Variants in SLC19A3 observed in about 807,000 individuals in gnomAD.
SLC19A3 encodes solute carrier family 19 member 3, also known as thiamine transporter 2.
A neutral mutation model predicts 40.2 loss-of-function variants in SLC19A3; 31 were observed. That is an observed-to-expected ratio of 0.77 (90% CI 0.58 to 1.04). The LOEUF is 1.04. SLC19A3 is among the 50% of genes least tolerant of loss of function. The probability of loss-of-function intolerance (pLI) is 0.00; values close to 1 mark genes in which losing one functional copy is unlikely to be tolerated. For missense variants in SLC19A3, 592 were observed against 596.7 expected (o/e 0.99, Z 0.08); for synonymous variants, 212 against 227.5 (o/e 0.93, Z 0.61).
intron 4 of SLC19A3, among the ~76,000 whole-genome samples, chr2:227,694,508 T>C (rs1181441958): frequency 6.6e-6 from 1 of 152,214 alleles, no homozygotes; most frequent in East Asian, 1.9e-4. Flanking sequence ...AAATTGTTTA[T>C]AAAACATTCT....
chr2:227,691,069 C>T (rs1054289145), intron 4 of SLC19A3, among the ~76,000 whole-genome samples: 6 of 152,134 alleles, frequency 3.9e-5, no homozygotes, highest in African/African-American at 9.7e-5. Flanking sequence ...TAATATCAAA[C>T]ATCGTCTCTG....
intron 2 of SLC19A3, chr2:227,701,005 T>G: frequency 8.4e-6 from 11 of 1,304,324 alleles, no homozygotes; most frequent in Non-Finnish European, 1.1e-5. Flanking sequence ...GGAAGGTCTG[T>G]TAACTGGTCC....
At chr2:227,709,223 T>A (rs1252783371) in intron 1 of SLC19A3, among the ~76,000 whole-genome samples, 1 of 152,182 alleles carries the variant, frequency 6.6e-6, no homozygotes, top group Non-Finnish European at 1.5e-5. Flanking sequence ...GCCTCATGCC[T>A]GTAATCCCAG....
rs1377003408 is a variant in SLC19A3 at position 227,686,461 on chromosome 2, GGC to G, written c.*934_*935del. 1 of 154,692 alleles carries G rather than the reference GGC, an allele frequency of 6.5e-6. No homozygotes were observed. Among genetic ancestry groups the G allele is most frequent in the Non-Finnish European group, 1.4e-5 (1 of 69,546 alleles). 9.6% of individuals were successfully genotyped at this position (154,692 alleles called of 1,614,324 possible). A position where few individuals can be genotyped will look rare whatever the true frequency, so the allele number is the denominator to read the frequency against. On this transcript the variant is annotated 3_prime_UTR_variant, in exon 6 of 6. Transcript: ENST00000644224. ...GGCCTCCCAAGTAGCTGAGACTACA[GGC>G]ACACACCACGCTGCCCAGCTAATTT... is the stretch of plus-strand genomic sequence containing the variant.
chr2:227,712,052 A>ACAAC (rs557378318), intron 1 of SLC19A3, among the ~76,000 whole-genome samples: 2 of 65,584 alleles, frequency 3.0e-5, no homozygotes, highest in African/African-American at 6.3e-5. Context: ...TCTGTCTCCA[A>ACAAC]AAAAAAAAAA....
chr2:227,693,056 C>T (rs953402430), intron 4 of SLC19A3, among the ~76,000 whole-genome samples: 1 of 152,030 alleles, frequency 6.6e-6, no homozygotes, highest in African/African-American at 2.4e-5. Context: ...CACACACACA[C>T]AAAATGGAAT....
chr2:227,687,249 T>G lies in SLC19A3; in HGVS notation c.*148A>C. ...GTCACATAGAGAACTCATCTAAAAC[T>G]GAGGTTTTGTTGTGGTTTTGAAAGG... is the stretch of plus-strand genomic sequence containing the variant. On this transcript the variant is annotated 3_prime_UTR_variant, in exon 6 of 6. Transcript: ENST00000644224. 3 of 764,000 alleles carry G rather than the reference T, an allele frequency of 3.9e-6. No individual in the cohort carries two copies. Among genetic ancestry groups the G allele is most frequent in the Non-Finnish European group, 6.3e-6 (3 of 478,524 alleles). 47.3% of individuals were successfully genotyped at this position (764,000 alleles called of 1,614,324 possible). A position where few individuals can be genotyped will look rare whatever the true frequency, so the allele number is the denominator to read the frequency against.
chr2:227,696,001 C>A lies in SLC19A3; in HGVS notation c.1060G>T (p.Val354Phe). The A allele has an allele frequency of 6.2e-7, 1 of 1,614,144 alleles. No homozygotes were observed. Among genetic ancestry groups the A allele is most frequent in the South Asian group, 1.1e-5 (1 of 91,084 alleles). The change falls in exon 4 of 6, where the codon GTT (valine) becomes TTT (phenylalanine). Residue 354 changes from valine (V) to phenylalanine (F), a missense_variant. Val to Phe is a conservative substitution (Grantham distance 50). Transcript: ENST00000644224. ...AGAAATAAAGAACCGGCATTGACAA[C>A]TGAGAAGACCACCAGAGCCAGCTCT... ...LGELALVVFS[V>F]VNAGSLFLMH...
At chr2:227,701,108 C>T (rs891574411) in intron 2 of SLC19A3, 6 of 1,290,288 alleles carry the variant, frequency 4.7e-6, no homozygotes, top group African/African-American at 4.6e-5. Flanking sequence ...CATGCTTCAA[C>T]CTGAGCAACT....
Position 227,699,492 on chromosome 2 carries a change from C to T in SLC19A3, c.223G>A (p.Asp75Asn), listed in dbSNP as rs980641322. The T allele has an allele frequency of 1.1e-5, 18 of 1,614,010 alleles. No homozygotes were observed. The highest frequency in any genetic ancestry group is 1.4e-5 in the Non-Finnish European group (17 of 1,180,030). Residue 75 changes from aspartate to asparagine, a missense_variant, in exon 3 of 6, where the codon GAT (aspartate) becomes AAT (asparagine). By Grantham distance (23) the Asp-to-Asn change is conservative. Transcript: ENST00000644224. ...ATGACTGGCTTGTAGCGGACATAAT[C>T]GGTGAGGACAAACACAGGCAGCAGC... The part of the protein sequence containing the change: ...VLLLPVFVLT[D>N]YVRYKPVIIL...
chr2:227,708,894 CTGTATTTCCTTCAG>C (rs1161356740), intron 1 of SLC19A3, among the ~76,000 whole-genome samples: 2 of 152,156 alleles, frequency 1.3e-5, no homozygotes, highest in African/African-American at 2.4e-5. Flanking sequence ...GGGTTTGCTG[CTGTATTTCCTTCAG>C]TGAGTCTTAT....
In SLC19A3 at chr2:227,686,075, T is replaced by C. The variant is rs1185322158; in HGVS notation, c.*1322A>G. ...AGCCAGGCGTGGTGGTGTGCACCCA[T>C]AGTCCCAGCTACTTGGGAGGCTGAG... On this transcript the variant is annotated 3_prime_UTR_variant, in exon 6 of 6. Coordinates refer to ENST00000644224, the MANE Select transcript of SLC19A3 (RefSeq NM_025243.4). 2 of 433,764 alleles carry C rather than the reference T, an allele frequency of 4.6e-6. No homozygotes were observed. Among genetic ancestry groups the C allele is most frequent in the Non-Finnish European group, 9.2e-6 (2 of 216,766 alleles). The allele number at this position is 433,764 out of a possible 1,614,324, so 26.9% of individuals were successfully genotyped here. A position where few individuals can be genotyped will look rare whatever the true frequency, so the allele number is the denominator to read the frequency against.
intron 1 of SLC19A3, among the ~76,000 whole-genome samples, chr2:227,713,264 A>C (rs1236244047): frequency 2.0e-5 from 3 of 151,780 alleles, no homozygotes; most frequent in Non-Finnish European, 2.9e-5. Flanking sequence ...ATGACTGGGC[A>C]TGGTGGTATA....
At chr2:227,707,918 G>A (rs181880868) in intron 1 of SLC19A3, among the ~76,000 whole-genome samples, 2 of 152,074 alleles carry the variant, frequency 1.3e-5, no homozygotes. Context: ...TAGTAGAGAC[G>A]GGATTTCACC....
intron 4 of SLC19A3, 50 bp downstream of exon 4, chr2:227,695,839 A>G: frequency 6.4e-7 from 1 of 1,561,838 alleles, no homozygotes; most frequent in Non-Finnish European, 8.8e-7. Flanking sequence ...TTAGAAAGAC[A>G]GAAGAGAGAG....
At chr2:227,714,258 A>G (rs1010620906) in intron 1 of SLC19A3, among the ~76,000 whole-genome samples, 1 of 152,212 alleles carries the variant, frequency 6.6e-6, no homozygotes, top group Non-Finnish European at 1.5e-5. Context: ...AGGCCTCCGT[A>G]TAATAGGAAA....
chr2:227,712,486 G>T (rs1257555138), intron 1 of SLC19A3, among the ~76,000 whole-genome samples: 1 of 152,170 alleles, frequency 6.6e-6, no homozygotes, highest in Non-Finnish European at 1.5e-5. Context: ...TTAAGACTAG[G>T]AGAGAAAACT....
At chr2:227,688,375 C>A in intron 4 of SLC19A3, 68 bp from the exon 5 acceptor site, 2 of 1,489,886 alleles carry the variant, frequency 1.3e-6, no homozygotes, top group East Asian at 4.7e-5. Context: ...AAAGATAGAA[C>A]ATATTGGCCA....
At chr2:227,700,363 C>A (rs930372157) in intron 2 of SLC19A3, among the ~76,000 whole-genome samples, 2 of 147,522 alleles carry the variant, frequency 1.4e-5, no homozygotes, top group Admixed American at 1.3e-4. Context: ...ATGATGAAAC[C>A]CCGTCTACAA....
Sources: allele counts gnomAD v4.1 joint callset (sites outside exome capture counted in the v4.1 genomes callset), GRCh38; gene constraint gnomAD v4.1.1; transcripts MANE v1.5; gene names NCBI Gene and HGNC (gene_info 2026-07-23, HGNC 2026-07-21).